Variants in CEMIP observed in about 807,000 individuals in gnomAD.
CEMIP encodes cell migration-inducing and hyaluronan-binding protein.
Under a neutral mutation model 156.9 loss-of-function variants are expected in CEMIP, and 105 were observed. The observed-to-expected ratio is 0.67, with a 90% confidence interval of 0.57 to 0.79. CEMIP has a LOEUF of 0.79. Among genes scored for constraint, CEMIP ranks in the 30% least tolerant of loss-of-function variants. The probability of loss-of-function intolerance (pLI) is 0.00; values close to 1 mark genes in which losing one functional copy is unlikely to be tolerated. For missense variants in CEMIP, 1,457 were observed against 1,769.4 expected (o/e 0.82, Z 3.17); for synonymous variants, 676 against 668.4 (o/e 1.01, Z -0.17).
At chr15:80,807,349 GC>G (rs1896538486) in intron 1 of CEMIP, among the ~76,000 whole-genome samples, 1 of 151,434 alleles carries the variant, frequency 6.6e-6, no homozygotes, top group Non-Finnish European at 1.5e-5. Flanking sequence ...TCCTACTTCA[GC>G]CTCCTAAGTA....
At chr15:80,811,473 T>C (rs1402626162) in intron 1 of CEMIP, among the ~76,000 whole-genome samples, 3 of 152,238 alleles carry the variant, frequency 2.0e-5, no homozygotes, top group Non-Finnish European at 2.9e-5. Flanking sequence ...ACAGGGAAGA[T>C]TGAGACATGC....
intron 1 of CEMIP, among the ~76,000 whole-genome samples, chr15:80,830,096 G>C (rs150110261): frequency 1.3e-5 from 2 of 151,484 alleles, no homozygotes; most frequent in Admixed American, 1.3e-4. Context: ...ATCTGGGACC[G>C]CTCTACACAA....
At chr15:80,834,496 G>A (rs1315451849) in intron 1 of CEMIP, among the ~76,000 whole-genome samples, 1 of 152,298 alleles carries the variant, frequency 6.6e-6, no homozygotes, top group South Asian at 2.1e-4. Flanking sequence ...TTTAAAATAT[G>A]GCTATTCAAT....
chr15:80,938,117 G>C (rs1257649975), intron 25 of CEMIP, 138 bp downstream of exon 25: 1 of 728,354 alleles, frequency 1.4e-6, no homozygotes, highest in Admixed American at 2.1e-5. Context: ...TTGACTCTAA[G>C]GCTGACTGTC....
intron 1 of CEMIP, among the ~76,000 whole-genome samples, chr15:80,815,562 TTCTTTCTTTCCTTC>T (rs1896772285): frequency 1.4e-5 from 1 of 69,124 alleles, no homozygotes; most frequent in East Asian, 3.0e-4. Flanking sequence ...CCTACCTCCC[TTCTTTCTTTCCTTC>T]TTCTTTCCTT....
chr15:80,848,303 A>C (rs1173367649), intron 1 of CEMIP, among the ~76,000 whole-genome samples: 1 of 152,148 alleles, frequency 6.6e-6, no homozygotes, highest in Non-Finnish European at 1.5e-5. Flanking sequence ...CTCACGCTCC[A>C]CAGTTCTGGG....
chr15:80,853,086 G>A (rs1388071859), intron 1 of CEMIP, among the ~76,000 whole-genome samples: 1 of 152,212 alleles, frequency 6.6e-6, no homozygotes, highest in Non-Finnish European at 1.5e-5. Context: ...GAGAGACATT[G>A]AGAATAGGGT....
chr15:80,818,041 G>C (rs537573151), intron 1 of CEMIP, among the ~76,000 whole-genome samples: 1 of 152,110 alleles, frequency 6.6e-6, no homozygotes, highest in African/African-American at 2.4e-5. Flanking sequence ...GAGAGGATCC[G>C]ATGGAATGAC....
intron 14 of CEMIP, chr15:80,909,508 C>G: frequency 1.5e-6 from 1 of 667,848 alleles, no homozygotes; most frequent in Non-Finnish European, 2.7e-6. Context: ...ACCAAAGGTA[C>G]CAAGCAGAGA....
At chr15:80,831,975 TAGAA>T (rs1767401340) in intron 1 of CEMIP, among the ~76,000 whole-genome samples, 1 of 152,226 alleles carries the variant, frequency 6.6e-6, no homozygotes, top group African/African-American at 2.4e-5. Context: ...GAGACCGAGA[TAGAA>T]AGAACCTGTT....
At chr15:80,791,260 G>A (rs758492052) in intron 1 of CEMIP, among the ~76,000 whole-genome samples, 2 of 152,152 alleles carry the variant, frequency 1.3e-5, no homozygotes, top group African/African-American at 2.4e-5. Flanking sequence ...ATTGGTGGGT[G>A]TTAGGTCCTT....
chr15:80,906,608 A>T lies in CEMIP; in HGVS notation c.1412-55A>T. On this transcript the variant is annotated intron_variant, in intron 12 of 29. Coordinates refer to ENST00000394685, the MANE Select transcript of CEMIP (RefSeq NM_001293298.2). The surrounding 1 kb of genome is among the most constrained non-coding windows in gnomAD (Gnocchi z 4.3). ...TGGAGGCACCTGGCAGGGGCCCAGA[A>T]CTCAGTGGGCATGCAGTACCTGCTG... 6.4e-7 allele frequency: 1 copy of T among 1,554,642 alleles called. No homozygotes were observed. The highest frequency in any genetic ancestry group is 8.8e-7 in the Non-Finnish European group (1 of 1,139,662).
intron 7 of CEMIP, among the ~76,000 whole-genome samples, chr15:80,887,378 T>G (rs554181753): frequency 2.0e-5 from 3 of 152,012 alleles, no homozygotes; most frequent in African/African-American, 7.3e-5. Flanking sequence ...GCCTGGCGGG[T>G]GGTATAGTAG....
chr15:80,806,250 C>T (rs1391591956), intron 1 of CEMIP, among the ~76,000 whole-genome samples: 6 of 152,174 alleles, frequency 3.9e-5, no homozygotes. Flanking sequence ...ATTGTTTGAC[C>T]TTGACTTGGT....
chr15:80,838,292 T>C (rs1269256663), intron 1 of CEMIP, among the ~76,000 whole-genome samples: 1 of 152,114 alleles, frequency 6.6e-6, no homozygotes, highest in Non-Finnish European at 1.5e-5. Flanking sequence ...CCCTCCTTCC[T>C]GGCAGGGACC....
chr15:80,938,168 A>G (rs1901205876), intron 25 of CEMIP, 189 bp downstream of exon 25: 5 of 592,766 alleles, frequency 8.4e-6, no homozygotes, highest in South Asian at 2.0e-5. Flanking sequence ...AAGCTTTAAA[A>G]GTAAAATAAA....
At chr15:80,895,508 C>T (rs150857919) in intron 11 of CEMIP, among the ~76,000 whole-genome samples, 1 of 152,098 alleles carries the variant, frequency 6.6e-6, no homozygotes, top group Non-Finnish European at 1.5e-5. Flanking sequence ...AGAAGGCAGT[C>T]ATTAGGAATG....
At chr15:80,847,311 A>T (rs1897585579) in intron 1 of CEMIP, among the ~76,000 whole-genome samples, 1 of 152,222 alleles carries the variant, frequency 6.6e-6, no homozygotes, top group Non-Finnish European at 1.5e-5. Flanking sequence ...GGCCTCCCAA[A>T]GTGTTGAAAC....
chr15:80,841,325 G>C (rs1035375285), intron 1 of CEMIP, among the ~76,000 whole-genome samples: 1 of 152,138 alleles, frequency 6.6e-6, no homozygotes, highest in Non-Finnish European at 1.5e-5. Flanking sequence ...AGACACCCAG[G>C]GCCACCTAAA....
Sources: allele counts gnomAD v4.1 joint callset (sites outside exome capture counted in the v4.1 genomes callset), GRCh38; gene constraint gnomAD v4.1.1; non-coding constraint Gnocchi (gnomAD v3.1); transcripts MANE v1.5; gene names NCBI Gene and HGNC (gene_info 2026-07-23, HGNC 2026-07-21).